WDR49: variants seen among roughly 807,000 people sequenced by gnomAD.
WDR49 encodes WD repeat domain 49, also known as cilia- and flagella-associated protein 337.
WDR49 carries 107 observed loss-of-function variants against 119.5 expected under a neutral mutation model. The observed-to-expected ratio is 0.90, with a 90% CI of 0.77 to 1.05. The LOEUF (loss-of-function observed/expected upper bound fraction) is 1.05, where lower values mean the gene tolerates loss of function less well. Ranked by LOEUF, WDR49 falls within the 50% of genes least tolerant of loss-of-function variation. The probability of loss-of-function intolerance (pLI) is 0.00; values close to 1 mark genes in which losing one functional copy is unlikely to be tolerated. For synonymous variants in WDR49, 425 were observed against 418.8 expected, an observed-to-expected ratio of 1.01 and a Z score of -0.18; for missense variants, 1,240 against 1,220.5, an observed-to-expected ratio of 1.02 and a Z score of -0.24.
intron 2 of WDR49, among the ~76,000 whole-genome samples, chr3:167,648,917 T>C (rs965678400): frequency 6.6e-6 from 1 of 152,168 alleles, no homozygotes; most frequent in South Asian, 2.1e-4. Context: ...TTTTACACAG[T>C]TTGCATACAC....
chr3:167,573,635 T>C (rs1714068632), intron 8 of WDR49, among the ~76,000 whole-genome samples: 1 of 151,398 alleles, frequency 6.6e-6, no homozygotes, highest in East Asian at 1.9e-4. Context: ...AACAATAAAT[T>C]AATATTATGA....
chr3:167,543,677 C>T (rs1463336977), intron 10 of WDR49, among the ~76,000 whole-genome samples: 11 of 151,924 alleles, frequency 7.2e-5, no homozygotes, highest in Non-Finnish European at 1.2e-4. Flanking sequence ...AACCCACAGC[C>T]AACATTATGT....
intron 18 of WDR49, among the ~76,000 whole-genome samples, chr3:167,481,351 T>A (rs1750712315): frequency 6.6e-6 from 1 of 150,708 alleles, no homozygotes; most frequent in East Asian, 2.0e-4. Context: ...AGGGAGGAGA[T>A]GAAGACACAA....
chr3:167,575,336 T>A, intron 8 of WDR49: 1 of 977,666 alleles, frequency 1.0e-6, no homozygotes, highest in Non-Finnish European at 1.2e-6. Context: ...TGCTTCTTCA[T>A]TGAGATGCAG....
At chr3:167,645,011 A>T (rs958451743) in intron 2 of WDR49, among the ~76,000 whole-genome samples, 8 of 151,916 alleles carry the variant, frequency 5.3e-5, no homozygotes, top group Non-Finnish European at 1.0e-4. Flanking sequence ...ATTCTACATT[A>T]AAAAAGCTAC....
intron 7 of WDR49, among the ~76,000 whole-genome samples, chr3:167,599,674 T>A (rs146304051): frequency 6.6e-6 from 1 of 152,336 alleles, no homozygotes; most frequent in African/African-American, 2.4e-5. Flanking sequence ...GAGATAGTAA[T>A]ATTCCATGTC....
intron 10 of WDR49, among the ~76,000 whole-genome samples, chr3:167,543,734 A>T (rs992502079): frequency 6.6e-6 from 1 of 152,174 alleles, no homozygotes; most frequent in Admixed American, 6.6e-5. Context: ...TTGAAACAAG[A>T]CAAAAATGCC....
intron 7 of WDR49, among the ~76,000 whole-genome samples, chr3:167,601,055 T>A (rs1005866569): frequency 6.6e-6 from 1 of 152,124 alleles, no homozygotes; most frequent in African/African-American, 2.4e-5. Flanking sequence ...GTCAGATCAG[T>A]CTGAAAATAG....
At chr3:167,653,646 T>C in intron 1 of WDR49, 147 bp from the exon 2 acceptor site, 1 of 468,448 alleles carries the variant, frequency 2.1e-6, no homozygotes, top group Non-Finnish European at 3.6e-6. Flanking sequence ...AGAGTTTATT[T>C]TCAAAATTTA....
At chr3:167,655,199 T>C (rs931156017), upstream of WDR49, among the ~76,000 whole-genome samples, 5 of 152,086 alleles carry the variant, frequency 3.3e-5, no homozygotes, top group African/African-American at 1.2e-4. Context: ...TATAAAACCA[T>C]CAGATCTCAT....
chr3:167,550,767 T>G (rs1479234790), intron 10 of WDR49, among the ~76,000 whole-genome samples: 1 of 149,476 alleles, frequency 6.7e-6, no homozygotes, highest in Non-Finnish European at 1.5e-5. Flanking sequence ...TAGGAGGTTT[T>G]TTTTTTTTTT....
Position 167,489,990 on chromosome 3 carries a change from T to C in WDR49, c.3031+10163A>G, listed in dbSNP as rs142120464. Among the ~76,000 whole-genome samples, 277 of 152,218 alleles carry C rather than the reference T, an allele frequency of 1.8e-3. 1 individual carries two copies. Among genetic ancestry groups the C allele is most frequent in the African/African-American group, 6.4e-3 (266 of 41,550 alleles). On this transcript the variant is annotated intron_variant, in intron 18 of 18. Transcript: ENST00000682715. The stretch of plus-strand genomic sequence containing the variant: ...AGATCTGGGGTGGGTCCTGAGATGC[T>C]GCATTTCTAAGGAGCTCCCTGGTGA...
At chr3:167,516,007 T>G (rs932995423) in intron 16 of WDR49, among the ~76,000 whole-genome samples, 1 of 152,168 alleles carries the variant, frequency 6.6e-6, no homozygotes, top group South Asian at 2.1e-4. Flanking sequence ...TGGAAAAACA[T>G]TTCATGATCA....
upstream of WDR49, among the ~76,000 whole-genome samples, chr3:167,656,452 C>A (rs565742982): frequency 1.3e-5 from 2 of 152,292 alleles, no homozygotes; most frequent in South Asian, 4.1e-4. Context: ...GAAAAACATT[C>A]TGTAAAGATG....
At chr3:167,522,522 A>G (rs1411866635) in intron 15 of WDR49, 38 bp from the exon 16 acceptor site, 2 of 1,570,502 alleles carry the variant, frequency 1.3e-6, no homozygotes, top group Non-Finnish European at 1.7e-6. Flanking sequence ...TTTTTATGAA[A>G]TTTATTTTCT....
chr3:167,482,271 C>T (rs545651481), intron 18 of WDR49, among the ~76,000 whole-genome samples: 49 of 152,132 alleles, frequency 3.2e-4, no homozygotes, highest in Non-Finnish European at 6.5e-4. Flanking sequence ...AAGAATATTA[C>T]ATACATTCAA....
intron 7 of WDR49, among the ~76,000 whole-genome samples, chr3:167,576,399 G>A (rs1278152804): frequency 6.6e-6 from 1 of 152,096 alleles, no homozygotes; most frequent in Non-Finnish European, 1.5e-5. Flanking sequence ...ATAAGGCTTG[G>A]CATTTAGTAA....
At chr3:167,535,506 T>G (rs549173726) in intron 11 of WDR49, among the ~76,000 whole-genome samples, 1 of 152,086 alleles carries the variant, frequency 6.6e-6, no homozygotes, top group Non-Finnish European at 1.5e-5. Flanking sequence ...ACATCACTGA[T>G]TATCAGGGAA....
At chr3:167,595,596 C>A (rs1471328918) in intron 7 of WDR49, among the ~76,000 whole-genome samples, 1 of 152,074 alleles carries the variant, frequency 6.6e-6, no homozygotes, top group Non-Finnish European at 1.5e-5. Flanking sequence ...TTTGACAAAC[C>A]TGAGAAAAAC....
Sources: gnomAD v4.1 joint callset for allele counts (sites outside exome capture counted in the v4.1 genomes callset) on GRCh38, gnomAD v4.1.1 for gene constraint, MANE v1.5 for transcripts, NCBI Gene and HGNC (gene_info 2026-07-23, HGNC 2026-07-21) for gene names.